PLCXD3: variants seen among roughly 807,000 people sequenced by gnomAD.
The protein encoded by PLCXD3 is PI-PLC X domain-containing protein 3.
A neutral mutation model predicts 25.5 loss-of-function variants in PLCXD3; 19 were observed. The ratio of observed to expected loss-of-function variants is 0.75; its 90% CI spans 0.52 to 1.09. The LOEUF is 1.09. Among genes scored for constraint, PLCXD3 ranks in the 50% least tolerant of loss-of-function variants. PLCXD3 has a pLI of 0.00. For synonymous variants in PLCXD3, 174 were observed against 137.6 expected (o/e 1.26, Z -1.85); for missense variants, 411 against 388.1 (o/e 1.06, Z -0.50).
intron 1 of PLCXD3, among the ~76,000 whole-genome samples, chr5:41,466,500 T>C (rs1364882901): frequency 6.6e-6 from 1 of 152,112 alleles, no homozygotes; most frequent in Non-Finnish European, 1.5e-5. Context: ...CATAATTAAG[T>C]CAAGCTAATC....
chr5:41,473,084 AT>A (rs1748201355), intron 1 of PLCXD3, among the ~76,000 whole-genome samples: 1 of 152,066 alleles, frequency 6.6e-6, no homozygotes, highest in Admixed American at 6.6e-5. Flanking sequence ...GAGCACTTTT[AT>A]TGCCTAAAAA....
At chr5:41,359,994 A>ACACAGT in intron 2 of PLCXD3, among the ~76,000 whole-genome samples, 1 of 152,186 alleles carries the variant, frequency 6.6e-6, no homozygotes, top group East Asian at 1.9e-4. Flanking sequence ...TGGATGTTTA[A>ACACAGT]CACAGTCACA....
intron 2 of PLCXD3, among the ~76,000 whole-genome samples, chr5:41,349,260 A>G (rs896485877): frequency 1.3e-5 from 2 of 152,148 alleles, no homozygotes; most frequent in African/African-American, 4.8e-5. Context: ...CACTTATTAG[A>G]GGTTGTTAGG....
At chr5:41,439,540 T>C (rs1391554978) in intron 1 of PLCXD3, among the ~76,000 whole-genome samples, 1 of 152,186 alleles carries the variant, frequency 6.6e-6, no homozygotes, top group Non-Finnish European at 1.5e-5. Context: ...GGTGTCATAT[T>C]GAACCAAGAG....
intron 1 of PLCXD3, among the ~76,000 whole-genome samples, chr5:41,491,720 GT>G (rs1339858385): frequency 1.3e-5 from 2 of 151,942 alleles, no homozygotes; most frequent in East Asian, 3.9e-4. Context: ...ATCTTTGTTG[GT>G]TTAAAGTCTG....
intron 2 of PLCXD3, among the ~76,000 whole-genome samples, chr5:41,364,535 A>G (rs1157831129): frequency 6.6e-6 from 1 of 152,220 alleles, no homozygotes; most frequent in Non-Finnish European, 1.5e-5. Flanking sequence ...AATTGGCAAG[A>G]AAATTAAAGC....
At chr5:41,371,630 T>G (rs1021637488) in intron 2 of PLCXD3, among the ~76,000 whole-genome samples, 1 of 152,188 alleles carries the variant, frequency 6.6e-6, no homozygotes, top group African/African-American at 2.4e-5. Context: ...GGATGTCTCA[T>G]GTATGAACCC....
chr5:41,479,592 G>T (rs968915764), intron 1 of PLCXD3, among the ~76,000 whole-genome samples: 2 of 152,122 alleles, frequency 1.3e-5, no homozygotes, highest in African/African-American at 4.8e-5. Flanking sequence ...ATAAACAGCT[G>T]TGCACATACC....
At chr5:41,401,025 A>G (rs1272121852) in intron 1 of PLCXD3, among the ~76,000 whole-genome samples, 1 of 151,900 alleles carries the variant, frequency 6.6e-6, no homozygotes, top group African/African-American at 2.4e-5. Flanking sequence ...AAAAAAGAAT[A>G]TAGTGTGCTT....
chr5:41,313,729 G>C lies in PLCXD3; in HGVS notation c.854C>G (p.Pro285Arg). The change falls in exon 3 of 3, where the codon CCA becomes CGA. Residue 285 changes from proline to arginine, a missense_variant. Pro to Arg is a moderately radical substitution (Grantham distance 103). Transcript: ENST00000377801. ...AMMQWVRTQKPGESGINIVTA... is the reference protein window; with the variant it reads ...AMMQWVRTQKRGESGINIVTA... ...GACAATATTGATGCCACTCTCTCCT[G>C]GCTTCTGCGTGCGGACCCACTGCAT... 6.2e-7 allele frequency: 1 copy of C among 1,612,968 alleles called. No homozygotes were observed. Among genetic ancestry groups the C allele is most frequent in the Non-Finnish European group, 8.5e-7 (1 of 1,179,442 alleles).
intron 2 of PLCXD3, among the ~76,000 whole-genome samples, chr5:41,372,121 T>TATAC (rs1376888018): frequency 6.6e-6 from 1 of 152,092 alleles, no homozygotes; most frequent in East Asian, 1.9e-4. Flanking sequence ...GAGTGCTAGC[T>TATAC]ATACATACTA....
At chr5:41,343,396 G>A (rs1472150328) in intron 2 of PLCXD3, among the ~76,000 whole-genome samples, 1 of 151,962 alleles carries the variant, frequency 6.6e-6, no homozygotes, top group Non-Finnish European at 1.5e-5. Context: ...TCAATCCAAA[G>A]GCAAAGAAAT....
intron 2 of PLCXD3, among the ~76,000 whole-genome samples, chr5:41,380,402 C>G (rs1448020549): frequency 6.6e-6 from 1 of 152,054 alleles, no homozygotes; most frequent in Non-Finnish European, 1.5e-5. Context: ...TTCTAAGCAC[C>G]TATTAACTGC....
At chr5:41,458,472 T>A (rs1404269032) in intron 1 of PLCXD3, among the ~76,000 whole-genome samples, 2 of 151,970 alleles carry the variant, frequency 1.3e-5, no homozygotes, top group African/African-American at 4.8e-5. Flanking sequence ...AGCAAAAGTG[T>A]GTCAATGACA....
chr5:41,495,821 T>C (rs904606606), intron 1 of PLCXD3, among the ~76,000 whole-genome samples: 2 of 151,838 alleles, frequency 1.3e-5, no homozygotes, highest in African/African-American at 4.8e-5. Flanking sequence ...TTCAAGTGCA[T>C]AAATACCAAC....
intron 1 of PLCXD3, among the ~76,000 whole-genome samples, chr5:41,425,449 G>T (rs1161028794): frequency 2.0e-5 from 3 of 152,100 alleles, no homozygotes; most frequent in Non-Finnish European, 4.4e-5. Context: ...TGGCACATTT[G>T]TTACAAGTGA....
chr5:41,316,483 A>G (rs1743295702), intron 2 of PLCXD3, among the ~76,000 whole-genome samples: 1 of 152,002 alleles, frequency 6.6e-6, no homozygotes, highest in South Asian at 2.1e-4. Context: ...GCAGAGAGAA[A>G]AGTAAAGGGG....
At chr5:41,319,786 A>AT (rs1743406156) in intron 2 of PLCXD3, among the ~76,000 whole-genome samples, 1 of 152,136 alleles carries the variant, frequency 6.6e-6, no homozygotes, top group Non-Finnish European at 1.5e-5. Context: ...TGCAATTGAA[A>AT]TGAAAAAAAT....
chr5:41,422,810 T>C (rs1279030361), intron 1 of PLCXD3, among the ~76,000 whole-genome samples: 1 of 152,196 alleles, frequency 6.6e-6, no homozygotes, highest in East Asian at 1.9e-4. Context: ...TCTTTTGCTT[T>C]TTTTGATACT....
Sources: gnomAD v4.1 joint callset for allele counts (sites outside exome capture counted in the v4.1 genomes callset) on GRCh38, gnomAD v4.1.1 for gene constraint, MANE v1.5 for transcripts, NCBI Gene and HGNC (gene_info 2026-07-23, HGNC 2026-07-21) for gene names.